The following LINGO2 variants were observed in gnomAD, a reference collection of about 807,000 sequenced individuals.
LINGO2 encodes leucine-rich repeat and immunoglobulin-like domain-containing nogo receptor-interacting protein 2.
LINGO2 carries 14 observed loss-of-function variants against 30.6 expected under a neutral mutation model. The observed-to-expected ratio is 0.46, with a 90% CI of 0.30 to 0.72. LINGO2 has a LOEUF of 0.72. Ranked by LOEUF, LINGO2 falls within the 30% of genes least tolerant of loss-of-function variation. The probability of loss-of-function intolerance (pLI) is 0.07; values close to 1 mark genes in which losing one functional copy is unlikely to be tolerated. For missense variants in LINGO2, 729 were observed against 751.7 expected, an observed-to-expected ratio of 0.97 and a Z score of 0.35; for synonymous variants, 317 against 288.5, an observed-to-expected ratio of 1.10 and a Z score of -1.00.
At chr9:28,615,714 G>T (rs950176145) in intron 1 of LINGO2, among the ~76,000 whole-genome samples, 1 of 152,072 alleles carries the variant, frequency 6.6e-6, no homozygotes, top group African/African-American at 2.4e-5. Context: ...TATCTTTATA[G>T]CATTGACAAT....
At chr9:28,154,172 A>G (rs947154257) in intron 4 of LINGO2, among the ~76,000 whole-genome samples, 3 of 152,184 alleles carry the variant, frequency 2.0e-5, no homozygotes, top group Non-Finnish European at 4.4e-5. Flanking sequence ...AGGTAAAGGA[A>G]GTGGGTTGGA....
intron 4 of LINGO2, among the ~76,000 whole-genome samples, chr9:28,226,962 AG>A (rs1392911866): frequency 6.6e-6 from 1 of 152,172 alleles, no homozygotes; most frequent in African/African-American, 2.4e-5. Context: ...TATAGTTTTC[AG>A]GTATATGTAT....
chr9:28,817,647 G>A, the LINGO2 span, among the ~76,000 whole-genome samples: 2 of 152,256 alleles, frequency 1.3e-5, no homozygotes, highest in South Asian at 4.1e-4. Context: ...TCAGGCTTGG[G>A]TTAGGAGCCC....
At chr9:28,834,268 C>A in the LINGO2 span, among the ~76,000 whole-genome samples, 1 of 152,090 alleles carries the variant, frequency 6.6e-6, no homozygotes, top group Non-Finnish European at 1.5e-5. Context: ...AGGCCTCTTT[C>A]AAAAATCATC....
At chr9:28,198,159 GA>G (rs150172700) in intron 4 of LINGO2, among the ~76,000 whole-genome samples, 3 of 141,388 alleles carry the variant, frequency 2.1e-5, no homozygotes, top group South Asian at 2.2e-4. Flanking sequence ...GAAATTTCAG[GA>G]AAAAAAAACT....
At chr9:28,507,146 G>C (rs1486078326) in intron 1 of LINGO2, among the ~76,000 whole-genome samples, 1 of 151,982 alleles carries the variant, frequency 6.6e-6, no homozygotes, top group Non-Finnish European at 1.5e-5. Flanking sequence ...AACTCTCGCT[G>C]ATTGAGGCTT....
chr9:28,847,605 A>G, the LINGO2 span, among the ~76,000 whole-genome samples: 2 of 146,102 alleles, frequency 1.4e-5, no homozygotes, highest in South Asian at 2.2e-4. Context: ...GTCACATGTC[A>G]AGACTAGAAA....
chr9:28,243,727 G>C (rs58731421), intron 4 of LINGO2, among the ~76,000 whole-genome samples: 20,490 of 152,012 alleles, frequency 0.13, 1,599 homozygotes, highest in African/African-American at 0.22. Flanking sequence ...AGAAGAAGAA[G>C]AAGGGCGTTA....
At chr9:28,502,708 A>C (rs950140124) in intron 1 of LINGO2, among the ~76,000 whole-genome samples, 1 of 152,148 alleles carries the variant, frequency 6.6e-6, no homozygotes, top group African/African-American at 2.4e-5. Flanking sequence ...AAATTAATTA[A>C]AAGAATAATG....
At chr9:27,955,514 T>C (rs1366085095) in intron 5 of LINGO2, among the ~76,000 whole-genome samples, 2 of 152,220 alleles carry the variant, frequency 1.3e-5, no homozygotes, top group African/African-American at 4.8e-5. Context: ...GCATTGTCAC[T>C]ATAGATTAGT....
chr9:28,851,806 T>C, the LINGO2 span, among the ~76,000 whole-genome samples: 1 of 151,974 alleles, frequency 6.6e-6, no homozygotes, highest in African/African-American at 2.4e-5. Flanking sequence ...TTCAGACCCC[T>C]AGAAGAGTAA....
chr9:28,430,309 AT>A lies in LINGO2; in HGVS notation c.-279+45630del, dbSNP rs529598673. 4.2e-4 allele frequency among the ~76,000 whole-genome samples: 64 copies of A among 152,240 alleles called. 1 individual carries two copies. In the South Asian group the frequency reaches 0.013, roughly 32 times the overall value. On this transcript the variant is annotated intron_variant, in intron 2 of 5. Coordinates refer to ENST00000379992, the Ensembl canonical transcript of LINGO2. ...GAAAGGTACCAACTTTGTTTTCAAAATTTCAATCCCAGTCCCTACAGCATAA... is the reference window on the plus strand; with the variant it reads ...GAAAGGTACCAACTTTGTTTTCAAAATTCAATCCCAGTCCCTACAGCATAA...
chr9:28,005,426 C>A (rs1587670035), intron 5 of LINGO2, among the ~76,000 whole-genome samples: 2 of 152,278 alleles, frequency 1.3e-5, no homozygotes, highest in East Asian at 3.9e-4. Flanking sequence ...CTCAGGGCCT[C>A]ATTTTATTCT....
At chr9:28,477,948 A>G (rs1469918375) in intron 1 of LINGO2, among the ~76,000 whole-genome samples, 1 of 152,140 alleles carries the variant, frequency 6.6e-6, no homozygotes, top group African/African-American at 2.4e-5. Flanking sequence ...ATTTTCTAAT[A>G]AGCCATGGTC....
the LINGO2 span, among the ~76,000 whole-genome samples, chr9:28,999,552 T>G: frequency 6.6e-6 from 1 of 152,078 alleles, no homozygotes; most frequent in Non-Finnish European, 1.5e-5. Flanking sequence ...TGTAATAACT[T>G]CATATTATAT....
the LINGO2 span, among the ~76,000 whole-genome samples, chr9:29,193,724 T>C: frequency 7.5e-4 from 114 of 152,306 alleles, 2 homozygotes; most frequent in African/African-American, 2.6e-3. Flanking sequence ...ACTCACTGTG[T>C]TGTTTCTGGT....
chr9:28,734,537 AC>A, the LINGO2 span, among the ~76,000 whole-genome samples: 13 of 152,168 alleles, frequency 8.5e-5, no homozygotes, highest in Admixed American at 7.2e-4. Flanking sequence ...ACAGAGTGTT[AC>A]GTAAGTCACT....
At chr9:28,284,107 C>G (rs1395228191) in intron 4 of LINGO2, among the ~76,000 whole-genome samples, 1 of 152,154 alleles carries the variant, frequency 6.6e-6, no homozygotes, top group Non-Finnish European at 1.5e-5. Flanking sequence ...TCTACTGTAA[C>G]AGTGCTACTT....
chr9:28,632,620 ATATT>A (rs1312868145), intron 1 of LINGO2, among the ~76,000 whole-genome samples: 2 of 144,090 alleles, frequency 1.4e-5, no homozygotes, highest in African/African-American at 5.1e-5. Flanking sequence ...TATTATCTAT[ATATT>A]TATATATTTT....
Sources: gnomAD v4.1 joint callset for allele counts (sites outside exome capture counted in the v4.1 genomes callset) on GRCh38, gnomAD v4.1.1 for gene constraint, MANE v1.5 for transcripts, NCBI Gene and HGNC (gene_info 2026-07-23, HGNC 2026-07-21) for gene names.